The following ESF1 variants were observed in gnomAD, a reference collection of about 807,000 sequenced individuals.
The protein encoded by ESF1 is ESF1 nucleolar pre-rRNA processing protein.
A neutral mutation model predicts 92.0 loss-of-function variants in ESF1; 58 were observed. The ratio of observed to expected loss-of-function variants is 0.63; its 90% CI spans 0.51 to 0.78. ESF1 has a LOEUF of 0.78. ESF1 is among the 30% of genes least tolerant of loss of function. ESF1 has a pLI of 0.00. For missense variants in ESF1, 922 were observed against 989.1 expected, an observed-to-expected ratio of 0.93 and a Z score of 0.91; for synonymous variants, 321 against 313.7, an observed-to-expected ratio of 1.02 and a Z score of -0.24.
At position 13,733,733 on chromosome 20, in the gene ESF1, T is replaced by A. The variant is rs768423071; in HGVS notation, c.1938A>T (p.Lys646Asn). 4.3e-6 allele frequency: 7 copies of A among 1,612,008 alleles called. No individual in the cohort carries two copies. The Admixed American group carries it at 6.7e-5, about 15-fold the overall frequency. The change falls in exon 10 of 14, where the codon AAA becomes AAT. Residue 646 changes from lysine to asparagine, a missense_variant. Transcript: ENST00000617257. ...TTATCAATGATACCTTCTGTTTCCT[T>A]TTCAGTCTTTTTTTCTCTTTCTTCT... ...LEKKKEKKRL[K>N]RKQKALAEEA...
At chr20:13,716,697 G>A (rs574034196) in intron 13 of ESF1, among the ~76,000 whole-genome samples, 1 of 145,234 alleles carries the variant, frequency 6.9e-6, no homozygotes, top group South Asian at 2.2e-4. Flanking sequence ...CTGGAGTGCA[G>A]TGCCACAATC....
chr20:13,748,548 G>GTGTGTA lies in ESF1; in HGVS notation c.1828+11143_1828+11144insTACACA, dbSNP rs1555823556. On this transcript the variant is annotated intron_variant, in intron 9 of 13. Transcript: ENST00000617257. ...TATATATACACATATATATGTGTGT[G>GTGTGTA]TATATATATATATATATGTGTGTGT... Among the ~76,000 whole-genome samples, 10 of 49,552 alleles carry GTGTGTA rather than the reference G, an allele frequency of 2.0e-4. 1 individual carries two copies. Among genetic ancestry groups the GTGTGTA allele is most frequent in the African/African-American group, 7.9e-4 (10 of 12,712 alleles). The allele number at this position is 49,552 out of a possible 152,430, so 32.5% of individuals were successfully genotyped here.
chr20:13,732,220 T>C (rs1188322199), intron 10 of ESF1, among the ~76,000 whole-genome samples: 1 of 152,144 alleles, frequency 6.6e-6, no homozygotes, highest in Non-Finnish European at 1.5e-5. Context: ...AGTGTTGGAA[T>C]TGGAGGTCAC....
At chr20:13,716,798 A>C (rs1436006981) in intron 13 of ESF1, among the ~76,000 whole-genome samples, 5 of 86,402 alleles carry the variant, frequency 5.8e-5, no homozygotes, top group South Asian at 9.4e-4. Flanking sequence ...GCGCCACTAT[A>C]CCTGGATTTT....
intron 2 of ESF1, among the ~76,000 whole-genome samples, chr20:13,780,359 AG>A (rs1333093502): frequency 6.6e-6 from 1 of 152,276 alleles, no homozygotes; most frequent in Non-Finnish European, 1.5e-5. Context: ...AGTGGATGCT[AG>A]ACTAACTTAC....
At position 13,748,650 on chromosome 20, in the gene ESF1, C is replaced by T. The variant is rs1478217888; in HGVS notation, c.1828+11042G>A. ...TTCCCCAGGCTGGAGTGCAGTGGCG[C>T]GATCTTGGCTCACTGCAACCTCCAC... On this transcript the variant is annotated intron_variant, in intron 9 of 13. Transcript: ENST00000617257. Among the ~76,000 whole-genome samples the T allele has an allele frequency of 2.0e-5, 3 of 146,760 alleles. No homozygotes were observed. In the Admixed American group the frequency reaches 2.0e-4, roughly 10 times the overall value.
At chr20:13,728,168 A>G (rs941545625) in intron 11 of ESF1, among the ~76,000 whole-genome samples, 1 of 152,208 alleles carries the variant, frequency 6.6e-6, no homozygotes, top group Non-Finnish European at 1.5e-5. Context: ...AGTCTCCTAT[A>G]TTAAAATTAT....
At chr20:13,728,109 A>G (rs1409204949) in intron 11 of ESF1, among the ~76,000 whole-genome samples, 4 of 152,170 alleles carry the variant, frequency 2.6e-5, no homozygotes, top group East Asian at 3.9e-4. Context: ...GGCACTAAGG[A>G]TATTTCCCAG....
At chr20:13,770,837 G>A (rs1354131713) in intron 6 of ESF1, among the ~76,000 whole-genome samples, 1 of 152,148 alleles carries the variant, frequency 6.6e-6, no homozygotes, top group Non-Finnish European at 1.5e-5. Context: ...TGTGACAAGG[G>A]CAATGTTCTA....
intron 4 of ESF1, among the ~76,000 whole-genome samples, chr20:13,773,314 TCTTA>T (rs1254811598): frequency 2.6e-5 from 4 of 152,264 alleles, no homozygotes; most frequent in Non-Finnish European, 4.4e-5. Flanking sequence ...TCCAAGTTTT[TCTTA>T]CTAACTTGAA....
At chr20:13,784,662 G>T (rs577424945) in intron 1 of ESF1, among the ~76,000 whole-genome samples, 1 of 151,238 alleles carries the variant, frequency 6.6e-6, no homozygotes, top group Non-Finnish European at 1.5e-5. Context: ...CTCCTGTACC[G>T]CAGGGGGGCA....
chr20:13,742,449 C>T (rs2050020113), intron 9 of ESF1, among the ~76,000 whole-genome samples: 1 of 151,488 alleles, frequency 6.6e-6, no homozygotes. Flanking sequence ...CCAGCCTGGG[C>T]AACAGAGTGA....
At chr20:13,744,548 G>A (rs932815606) in intron 9 of ESF1, among the ~76,000 whole-genome samples, 1 of 152,156 alleles carries the variant, frequency 6.6e-6, no homozygotes, top group Non-Finnish European at 1.5e-5. Flanking sequence ...TGATTTGGCT[G>A]CCTCTCTGAC....
At chr20:13,774,027 G>A (rs866639177) in intron 4 of ESF1, among the ~76,000 whole-genome samples, 15 of 152,012 alleles carry the variant, frequency 9.9e-5, no homozygotes, top group Middle Eastern at 6.8e-3. Context: ...CCCGGGAGGC[G>A]GAGCTTGCAG....
At chr20:13,779,217 A>C (rs1214034759) in intron 2 of ESF1, among the ~76,000 whole-genome samples, 1 of 152,012 alleles carries the variant, frequency 6.6e-6, no homozygotes, top group Non-Finnish European at 1.5e-5. Flanking sequence ...CAAACAAAAA[A>C]CAAAAAAAAA....
chr20:13,742,552 T>C (rs899730608), intron 9 of ESF1, among the ~76,000 whole-genome samples: 1 of 152,058 alleles, frequency 6.6e-6, no homozygotes, highest in Admixed American at 6.6e-5. Flanking sequence ...CAGAAAAACT[T>C]AAACGTGTAC....
chr20:13,766,939 T>C lies in ESF1; in HGVS notation c.1519-15A>G, dbSNP rs761904130. ...GTGATTTCCACCTTTCACCAACAAA[T>C]AAGAAAAAATAACACACGAAAATGG... is the stretch of plus-strand genomic sequence containing the variant. On this transcript the variant is annotated splice_polypyrimidine_tract_variant and intron_variant, in intron 7 of 13. Transcript: ENST00000617257. 6.2e-7 allele frequency: 1 copy of C among 1,601,984 alleles called. No homozygotes were observed. The highest frequency in any genetic ancestry group is 2.2e-5 in the East Asian group (1 of 44,640).
chr20:13,733,220 C>T (rs1314021167), intron 10 of ESF1, among the ~76,000 whole-genome samples: 1 of 152,076 alleles, frequency 6.6e-6, no homozygotes, highest in African/African-American at 2.4e-5. Flanking sequence ...GCCACCACAC[C>T]CAGCCAGGAA....
At chr20:13,742,123 T>C (rs768887287) in intron 9 of ESF1, among the ~76,000 whole-genome samples, 1 of 152,106 alleles carries the variant, frequency 6.6e-6, no homozygotes, top group South Asian at 2.1e-4. Flanking sequence ...TCCCAGCACT[T>C]TGGGAGGCCA....
Sources: gnomAD v4.1 joint callset for allele counts (sites outside exome capture counted in the v4.1 genomes callset) on GRCh38, gnomAD v4.1.1 for gene constraint, MANE v1.5 for transcripts, NCBI Gene and HGNC (gene_info 2026-07-23, HGNC 2026-07-21) for gene names.